Variants in TPM1 observed in about 807,000 individuals in gnomAD.
TPM1 encodes the protein tropomyosin alpha-1 chain.
Under a neutral mutation model 42.9 loss-of-function variants are expected in TPM1, and 24 were observed. The ratio of observed to expected loss-of-function variants is 0.56; its 90% CI spans 0.41 to 0.79. TPM1 has a LOEUF of 0.79. TPM1 is among the 30% of genes least tolerant of loss of function. The probability of loss-of-function intolerance (pLI) is 0.00; values close to 1 mark genes in which losing one functional copy is unlikely to be tolerated. For missense variants in TPM1, 158 were observed against 351.8 expected (o/e 0.45, Z 4.41); for synonymous variants, 136 against 130.1 (o/e 1.05, Z -0.31).
At chr15:63,066,843 A>T (rs960394274), downstream of TPM1, among the ~76,000 whole-genome samples, 1 of 151,722 alleles carries the variant, frequency 6.6e-6, no homozygotes, top group Non-Finnish European at 1.5e-5. Context: ...TTTGTGTTCA[A>T]TGGCTGTGTT....
chr15:63,070,172 T>G (rs1289292335), downstream of TPM1: 21 of 1,352,550 alleles, frequency 1.6e-5, no homozygotes, highest in South Asian at 3.1e-4. Context: ...AATACTTATA[T>G]CAATTCAGCA....
chr15:63,067,988 C>A (rs1274810778), downstream of TPM1, among the ~76,000 whole-genome samples: 3 of 152,244 alleles, frequency 2.0e-5, no homozygotes, highest in Non-Finnish European at 4.4e-5. Flanking sequence ...GTCCTTCCTG[C>A]TGAATTCATA....
At position 63,071,334 on chromosome 15, in the gene TPM1, A is replaced by C. The variant is rs935527213; in HGVS notation, c.*162A>C. 78 of 758,660 alleles carry C rather than the reference A, an allele frequency of 1.0e-4. No individual in the cohort carries two copies. The East Asian group carries it at 2.3e-3, about 22-fold the overall frequency. The allele number at this position is 758,660 out of a possible 1,614,324, so 47.0% of individuals were successfully genotyped here. On this transcript the variant is annotated 3_prime_UTR_variant, in exon 9 of 9. Transcript: ENST00000267996. Reference sequence around the variant, plus strand: ...GTGGGGAAAACACATACAAAAAGGCAAGCCCATGTCAGGGCGATCCTGGTT... The same window carrying C: ...GTGGGGAAAACACATACAAAAAGGCCAGCCCATGTCAGGGCGATCCTGGTT...
intron 2 of TPM1, 139 bp from the exon 3 acceptor site, chr15:63,056,846 G>A: frequency 2.7e-6 from 3 of 1,099,302 alleles, no homozygotes; most frequent in Non-Finnish European, 4.2e-6. Context: ...GAGTTGATGA[G>A]GGCTTGTAAT....
rs1180806328 is a variant in TPM1, at chr15:63,048,640, A to G, written c.240+4488A>G. The G allele has an allele frequency of 7.8e-5, 120 of 1,536,914 alleles. No homozygotes were observed. Among genetic ancestry groups the G allele is most frequent in the Non-Finnish European group, 1.0e-4 (118 of 1,142,532 alleles). ...ATCCGGAGCCTGCAGGAGCAGGCGGACGCCGCTGAGGAGCGCGCGGGCACC... is the reference window on the plus strand; with the variant it reads ...ATCCGGAGCCTGCAGGAGCAGGCGGGCGCCGCTGAGGAGCGCGCGGGCACC... On this transcript the variant is annotated intron_variant, in intron 2 of 9. Transcript: ENST00000403994.
chr15:63,059,288 C>CAT (rs2035264289), intron 3 of TPM1, among the ~76,000 whole-genome samples: 1 of 152,190 alleles, frequency 6.6e-6, no homozygotes, highest in Non-Finnish European at 1.5e-5. Context: ...AGATTCCTGA[C>CAT]GTGGTACCTT....
chr15:63,056,117 G>C (rs532775182), intron 2 of TPM1: 8 of 152,174 alleles, frequency 5.3e-5, no homozygotes, highest in Non-Finnish European at 1.0e-4. Context: ...GATTGTGTTG[G>C]GCCTTCATGT....
intron 2 of TPM1, among the ~76,000 whole-genome samples, chr15:63,051,792 A>G (rs1047298866): frequency 2.0e-5 from 3 of 152,170 alleles, no homozygotes; most frequent in African/African-American, 7.2e-5. Flanking sequence ...CTTAACTGGA[A>G]TACTTTTTTA....
chr15:63,053,419 T>G (rs188704170), intron 2 of TPM1, among the ~76,000 whole-genome samples: 1 of 152,206 alleles, frequency 6.6e-6, no homozygotes, highest in Admixed American at 6.5e-5. Context: ...AGTGACATAG[T>G]GGAGAGCCGG....
chr15:63,049,109 T>C (rs2033266502), intron 2 of TPM1: 1 of 236,288 alleles, frequency 4.2e-6, no homozygotes, highest in African/African-American at 2.4e-5. Context: ...TGGAGATCCG[T>C]ACTTTGAGAA....
At chr15:63,064,986 G>C in intron 9 of TPM1, 3 of 985,190 alleles carry the variant, frequency 3.0e-6, no homozygotes, top group Non-Finnish European at 3.6e-6. Context: ...AAGAATGGTA[G>C]AGTAAAAAGA....
intron 9 of TPM1, chr15:63,064,946 G>A (rs1476033180): frequency 3.1e-6 from 3 of 969,224 alleles, no homozygotes; most frequent in African/African-American, 1.8e-5. Flanking sequence ...CAGCCTGGAC[G>A]ACAGAGCGAG....
At chr15:63,048,203 G>GGCCCTAGAAGTGGAAGCCAGA in intron 2 of TPM1, 1 of 461,578 alleles carries the variant, frequency 2.2e-6, no homozygotes, top group Non-Finnish European at 4.3e-6. Flanking sequence ...GCCGCGGAGG[G>GGCCCTAGAAGTGGAAGCCAGA]GCCCTAGAAG....
chr15:63,058,385 TCTC>T (rs1488358642), intron 3 of TPM1, among the ~76,000 whole-genome samples: 1 of 152,064 alleles, frequency 6.6e-6, no homozygotes, highest in African/African-American at 2.4e-5. Flanking sequence ...CCGACCCAGA[TCTC>T]CTCAACTGTA....
At position 63,063,003 on chromosome 15, in the gene TPM1, G is replaced by A. The variant is rs541554334; in HGVS notation, c.772+358G>A. The A allele has an allele frequency of 7.6e-5, 102 of 1,343,602 alleles. No individual in the cohort carries two copies. The Admixed American group carries it at 1.0e-3, about 14-fold the overall frequency. The allele number at this position is 1,343,602 out of a possible 1,614,324, so 83.2% of individuals were successfully genotyped here. A position where few individuals can be genotyped will look rare whatever the true frequency, so the allele number is the denominator to read the frequency against. Reference sequence around the variant, plus strand: ...TTCCTAATTAAATTGGGAATGATGTGGTGATTGTGGTCTTGTTTTTAGAAG... The same window carrying A: ...TTCCTAATTAAATTGGGAATGATGTAGTGATTGTGGTCTTGTTTTTAGAAG... On this transcript the variant is annotated intron_variant, in intron 8 of 9. Transcript: ENST00000403994.
chr15:63,068,965 G>A (rs1472365499), downstream of TPM1, among the ~76,000 whole-genome samples: 1 of 150,036 alleles, frequency 6.7e-6, no homozygotes, highest in Admixed American at 6.7e-5. Flanking sequence ...TGGCTAACAC[G>A]GTGAAACCCC....
downstream of TPM1, chr15:63,070,584 T>C: frequency 9.9e-7 from 1 of 1,008,756 alleles, no homozygotes; most frequent in Non-Finnish European, 1.2e-6. Flanking sequence ...ATGAAACATG[T>C]TGACAATTTT....
chr15:63,042,789 C>T lies in TPM1; in HGVS notation c.-41C>T, dbSNP rs1335948932. ...TCCGCCCGACCGCGCGCTCGCCCCGCCGCTCCTGCTGCAGCCCCAGGGCCC... is the reference window on the plus strand; with the variant it reads ...TCCGCCCGACCGCGCGCTCGCCCCGTCGCTCCTGCTGCAGCCCCAGGGCCC... On this transcript the variant is annotated 5_prime_UTR_variant, in exon 1 of 10. Coordinates refer to ENST00000403994, the MANE Select transcript of TPM1 (RefSeq NM_001018005.2). 2 of 1,568,740 alleles carry T rather than the reference C, an allele frequency of 1.3e-6. No individual in the cohort carries two copies. The highest frequency in any genetic ancestry group is 2.7e-5 in the African/African-American group (2 of 73,926).
downstream of TPM1, chr15:63,069,812 C>G: frequency 2.5e-6 from 4 of 1,610,392 alleles, no homozygotes; most frequent in Non-Finnish European, 1.7e-6. Context: ...CTCACCAAGT[C>G]TGCTAACCTG....
Sources: allele counts gnomAD v4.1 joint callset (sites outside exome capture counted in the v4.1 genomes callset), GRCh38; gene constraint gnomAD v4.1.1; transcripts MANE v1.5; gene names NCBI Gene and HGNC (gene_info 2026-07-23, HGNC 2026-07-21).